ADAM23: variants seen among roughly 807,000 people sequenced by gnomAD.
ADAM23 encodes disintegrin and metalloproteinase domain-containing protein 23.
A neutral mutation model predicts 120.1 loss-of-function variants in ADAM23; 33 were observed. The observed-to-expected ratio is 0.27, with a 90% CI of 0.21 to 0.37. The LOEUF (loss-of-function observed/expected upper bound fraction) is 0.37, where lower values mean the gene tolerates loss of function less well. Ranked by LOEUF, ADAM23 falls within the 10% of genes least tolerant of loss-of-function variation. The probability of loss-of-function intolerance (pLI) is 1.00; values close to 1 mark genes in which losing one functional copy is unlikely to be tolerated. For synonymous variants in ADAM23, 367 were observed against 375.2 expected, an observed-to-expected ratio of 0.98 and a Z score of 0.25; for missense variants, 862 against 1,058.2, an observed-to-expected ratio of 0.81 and a Z score of 2.57.
In ADAM23 at chr2:206,618,005, C is replaced by T. The variant is rs1281498125; in HGVS notation, c.*378C>T. 5.7e-6 allele frequency: 1 copy of T among 174,868 alleles called. No individual in the cohort carries two copies. The highest frequency in any genetic ancestry group is 1.2e-5 in the Non-Finnish European group (1 of 83,346). The allele number at this position is 174,868 out of a possible 1,614,324, so 10.8% of individuals were successfully genotyped here. A position where few individuals can be genotyped will look rare whatever the true frequency, so the allele number is the denominator to read the frequency against. ...CCCTCAGCCTGCTGGCACTTAATAT[C>T]TTCTAAATGATTTGGCATGATTTTT... On this transcript the variant is annotated 3_prime_UTR_variant, in exon 26 of 26. Coordinates refer to ENST00000264377, the MANE Select transcript of ADAM23 (RefSeq NM_003812.4).
At chr2:206,495,062 TG>T (rs1696211088) in intron 3 of ADAM23, among the ~76,000 whole-genome samples, 1 of 152,154 alleles carries the variant, frequency 6.6e-6, no homozygotes, top group South Asian at 2.1e-4. Flanking sequence ...GGAACCAAGT[TG>T]GAAAACACTC....
At chr2:206,520,714 T>C (rs1300787594) in intron 3 of ADAM23, among the ~76,000 whole-genome samples, 1 of 152,048 alleles carries the variant, frequency 6.6e-6, no homozygotes, top group Non-Finnish European at 1.5e-5. Context: ...TAAAAGAATC[T>C]TATCTGTGTT....
intron 3 of ADAM23, among the ~76,000 whole-genome samples, chr2:206,530,623 A>G (rs1229187250): frequency 1.2e-4 from 2 of 16,456 alleles, no homozygotes; most frequent in Non-Finnish European, 3.3e-4. Flanking sequence ...CTCAAAAAGA[A>G]AAAAAAAAAA....
intron 21 of ADAM23, among the ~76,000 whole-genome samples, chr2:206,590,525 A>G (rs1698406620): frequency 6.6e-6 from 1 of 152,222 alleles, no homozygotes. Flanking sequence ...TTCCTTCTAA[A>G]GCAATGAAAA....
chr2:206,480,589 C>T (rs1195839028), intron 2 of ADAM23, among the ~76,000 whole-genome samples: 2 of 151,680 alleles, frequency 1.3e-5, no homozygotes, highest in South Asian at 2.1e-4. Flanking sequence ...TAATCTTTAA[C>T]ATCTAGTAAA....
At chr2:206,477,921 T>TAA (rs1491348123) in intron 2 of ADAM23, among the ~76,000 whole-genome samples, 7 of 136,562 alleles carry the variant, frequency 5.1e-5, no homozygotes, top group Non-Finnish European at 7.9e-5. Flanking sequence ...TATATATATA[T>TAA]AAAACAACAA....
chr2:206,533,352 C>T (rs1163036026), intron 4 of ADAM23, among the ~76,000 whole-genome samples: 1 of 152,112 alleles, frequency 6.6e-6, no homozygotes, highest in East Asian at 1.9e-4. Flanking sequence ...CAGGCACCTG[C>T]CACCATGCCC....
At chr2:206,608,063 A>G (rs1036165735) in intron 24 of ADAM23, 5 of 400,048 alleles carry the variant, frequency 1.2e-5, no homozygotes, top group African/African-American at 1.1e-4. Context: ...TCTCTGTTGA[A>G]TTGTGGGGAG....
intron 16 of ADAM23, among the ~76,000 whole-genome samples, chr2:206,571,203 C>T (rs368043095): frequency 2.0e-5 from 3 of 152,128 alleles, no homozygotes; most frequent in South Asian, 2.1e-4. Context: ...CGGCCGGGCG[C>T]GGTGGCTGAC....
At chr2:206,450,098 C>T (rs1695161699) in intron 2 of ADAM23, among the ~76,000 whole-genome samples, 1 of 152,096 alleles carries the variant, frequency 6.6e-6, no homozygotes, top group Non-Finnish European at 1.5e-5. Flanking sequence ...TATGGGACAA[C>T]AGAAAGAGGA....
chr2:206,505,742 G>C (rs1317056951), intron 3 of ADAM23, among the ~76,000 whole-genome samples: 1 of 152,180 alleles, frequency 6.6e-6, no homozygotes. Flanking sequence ...CAGGGACACA[G>C]ACTCAAACCA....
At chr2:206,513,689 A>G (rs1458413166) in intron 3 of ADAM23, among the ~76,000 whole-genome samples, 1 of 152,196 alleles carries the variant, frequency 6.6e-6, no homozygotes, top group East Asian at 1.9e-4. Context: ...CAGCCTTCCT[A>G]TTGGAAGAAG....
intron 3 of ADAM23, among the ~76,000 whole-genome samples, chr2:206,492,156 T>A (rs1696147023): frequency 6.6e-6 from 1 of 152,170 alleles, no homozygotes; most frequent in Non-Finnish European, 1.5e-5. Flanking sequence ...AAGTACAGGA[T>A]GTTTTTATCC....
intron 4 of ADAM23, among the ~76,000 whole-genome samples, chr2:206,540,494 A>G (rs1481369681): frequency 6.6e-6 from 1 of 152,130 alleles, no homozygotes; most frequent in African/African-American, 2.4e-5. Context: ...TTTTCTCCCG[A>G]TAACCCACCT....
intron 2 of ADAM23, among the ~76,000 whole-genome samples, chr2:206,459,526 G>A (rs968925364): frequency 6.6e-6 from 1 of 152,124 alleles, no homozygotes; most frequent in Admixed American, 6.5e-5. Context: ...ACACCGTAAT[G>A]TGTTAAACAT....
chr2:206,508,702 G>C (rs1481932597), intron 3 of ADAM23, among the ~76,000 whole-genome samples: 2 of 151,608 alleles, frequency 1.3e-5, no homozygotes, highest in East Asian at 3.9e-4. Flanking sequence ...AAAGGAAGGG[G>C]CTTAGTAAAG....
intron 22 of ADAM23, among the ~76,000 whole-genome samples, chr2:206,593,756 G>C (rs1228440507): frequency 6.6e-6 from 1 of 151,850 alleles, no homozygotes; most frequent in Non-Finnish European, 1.5e-5. Flanking sequence ...TAGCATATTT[G>C]TTAAATATTC....
At chr2:206,476,534 C>T (rs901926404) in intron 2 of ADAM23, among the ~76,000 whole-genome samples, 16 of 152,174 alleles carry the variant, frequency 1.1e-4, no homozygotes, top group Admixed American at 2.6e-4. Context: ...GTGAACTGCA[C>T]GTGCGATGGA....
intron 3 of ADAM23, among the ~76,000 whole-genome samples, chr2:206,500,762 C>G (rs1374375285): frequency 6.6e-6 from 1 of 152,128 alleles, no homozygotes; most frequent in Non-Finnish European, 1.5e-5. Flanking sequence ...GAGATACTTT[C>G]CTGCCAGCAT....
Sources: gnomAD v4.1 joint callset for allele counts (sites outside exome capture counted in the v4.1 genomes callset) on GRCh38, gnomAD v4.1.1 for gene constraint, MANE v1.5 for transcripts, NCBI Gene and HGNC (gene_info 2026-07-23, HGNC 2026-07-21) for gene names.